SBNO2: variants seen among roughly 807,000 people sequenced by gnomAD.
The protein encoded by SBNO2 is strawberry notch homolog 2.
In SBNO2, 89 loss-of-function variants were observed where a neutral mutation model predicts 146.3. The observed-to-expected ratio is 0.61, with a 90% confidence interval of 0.51 to 0.73. The LOEUF (loss-of-function observed/expected upper bound fraction) is 0.73, where lower values mean the gene tolerates loss of function less well. Ranked by LOEUF, SBNO2 falls within the 30% of genes least tolerant of loss-of-function variation. SBNO2 has a pLI of 0.00. For missense variants in SBNO2, 2,092 were observed against 2,003.7 expected (o/e 1.04, Z -0.84); for synonymous variants, 1,147 against 892.6 (o/e 1.29, Z -5.08).
chr19:1,132,133 A>G, intron 4 of SBNO2: 1 of 1,517,190 alleles, frequency 6.6e-7, no homozygotes, highest in Non-Finnish European at 8.8e-7. Flanking sequence ...CAGCTGGGAC[A>G]TGGTCCCGGC....
chr19:1,132,897 G>C (rs913443317), intron 4 of SBNO2, among the ~76,000 whole-genome samples: 1 of 152,230 alleles, frequency 6.6e-6, no homozygotes, highest in Non-Finnish European at 1.5e-5. Flanking sequence ...AAGTGGTAGC[G>C]TCCTGGGAAA....
intron 4 of SBNO2, among the ~76,000 whole-genome samples, chr19:1,129,096 G>A (rs777334961): frequency 6.6e-6 from 1 of 151,692 alleles, no homozygotes; most frequent in Non-Finnish European, 1.5e-5. Context: ...GTAAAACCCT[G>A]TCTTTACTAA....
In SBNO2 at chr19:1,122,169, C is replaced by T; in HGVS notation, c.1119G>A (p.Leu373=). Residue 373 remains leucine, a synonymous_variant, in exon 11 of 32, where the codon CTG becomes CTA. Transcript: ENST00000361757. ...CCTCGAAGGCCTCCCCACACCAGTC[C>T]AGGATCTGCCGGAGGCGAGTGCGGT... ...GQHRTRLRQI[L]DWCGEAFEGV... is the part of the protein sequence containing the mutation. 1 of 1,523,134 alleles carries T rather than the reference C, an allele frequency of 6.6e-7. No homozygotes were observed. The highest frequency in any genetic ancestry group is 1.3e-5 in the South Asian group (1 of 79,910). The allele number at this position is 1,523,134 out of a possible 1,614,324, so 94.4% of individuals were successfully genotyped here. A position where few individuals can be genotyped will look rare whatever the true frequency, so the allele number is the denominator to read the frequency against.
rs977810809 is a variant in SBNO2 at position 1,110,132 on chromosome 19, G to A, written c.3029-355C>T. On this transcript the variant is annotated intron_variant, in intron 26 of 31. Transcript: ENST00000361757. The surrounding 1 kb of genome is among the most constrained non-coding windows in gnomAD (Gnocchi z 4.9). ...GTGAGGAGATTGTAGGAGCCTGGGG[G>A]CTGCTCAGGTGCTGGGTGACCCCAA... Among the ~76,000 whole-genome samples the A allele has an allele frequency of 6.6e-6, 1 of 151,638 alleles. No homozygotes were observed. Among genetic ancestry groups the A allele is most frequent in the Non-Finnish European group, 1.5e-5 (1 of 67,832 alleles).
At chr19:1,124,578 C>T (rs1165372216) in intron 5 of SBNO2, among the ~76,000 whole-genome samples, 2 of 152,214 alleles carry the variant, frequency 1.3e-5, no homozygotes, top group Non-Finnish European at 2.9e-5. Context: ...GGCAGCCCTG[C>T]ACTCTCCAAG....
intron 14 of SBNO2, among the ~76,000 whole-genome samples, chr19:1,118,598 G>A (rs2079860726): frequency 2.0e-5 from 3 of 152,312 alleles, no homozygotes; most frequent in African/African-American, 4.8e-5. Context: ...GGCCGGGCAC[G>A]TGGCTCACGC....
At chr19:1,159,166 G>A (rs190104865) in intron 1 of SBNO2, among the ~76,000 whole-genome samples, 10 of 150,374 alleles carry the variant, frequency 6.7e-5, no homozygotes, top group East Asian at 3.9e-4. Context: ...CCTGGCGGGC[G>A]CACAACTCGC....
rs756080587 is a variant in SBNO2 at position 1,109,485 on chromosome 19, G to A, written c.3216+21C>T. 3.2e-6 allele frequency: 5 copies of A among 1,581,418 alleles called. No individual in the cohort carries two copies. The highest frequency in any genetic ancestry group is 3.4e-6 in the Non-Finnish European group (4 of 1,165,426). ...CCCCCCGCGGGCCCTCCTCTGGGGGGGTAACCCCGCCCGACCCCACCTTGT... is the reference window on the plus strand; with the variant it reads ...CCCCCCGCGGGCCCTCCTCTGGGGGAGTAACCCCGCCCGACCCCACCTTGT... On this transcript the variant is annotated intron_variant, in intron 28 of 31. Transcript: ENST00000361757. The surrounding 1 kb of genome is among the most constrained non-coding windows in gnomAD (Gnocchi z 4.2).
intron 4 of SBNO2, among the ~76,000 whole-genome samples, chr19:1,128,660 T>C (rs1003424052): frequency 6.7e-6 from 1 of 150,304 alleles, no homozygotes; most frequent in African/African-American, 2.4e-5. Flanking sequence ...CCCAAAGTGC[T>C]GGGATTACAG....
At position 1,144,459 on chromosome 19, in the gene SBNO2, C is replaced by T. The variant is rs967749877; in HGVS notation, c.279+2850G>A. 5.9e-5 allele frequency among the ~76,000 whole-genome samples: 9 copies of T among 152,114 alleles called. No individual in the cohort carries two copies. Among genetic ancestry groups the T allele is most frequent in the Non-Finnish European group, 1.0e-4 (7 of 68,024 alleles). ...ACCAGCACAGTGGCCCCGAGGGCTC[C>T]GGGCTGAACAGATGCAGCAGCAATT... On this transcript the variant is annotated intron_variant, in intron 4 of 31. Transcript: ENST00000361757. The surrounding 1 kb of genome is among the most constrained non-coding windows in gnomAD (Gnocchi z 4.1).
chr19:1,129,971 A>T (rs75913035), intron 4 of SBNO2, among the ~76,000 whole-genome samples: 4,377 of 152,074 alleles, frequency 0.029, 102 homozygotes, highest in African/African-American at 0.057. Flanking sequence ...AGGGTCCTCC[A>T]CCCAAAACTC....
At chr19:1,141,263 C>T (rs149981222) in intron 4 of SBNO2, among the ~76,000 whole-genome samples, 1,983 of 151,818 alleles carry the variant, frequency 0.013, 27 homozygotes, top group Non-Finnish European at 0.021. Flanking sequence ...CACCCAGGCT[C>T]GAATGCAGTG....
At chr19:1,132,502 G>C (rs2080042747) in intron 4 of SBNO2, among the ~76,000 whole-genome samples, 2 of 152,226 alleles carry the variant, frequency 1.3e-5, no homozygotes. Flanking sequence ...GGTGGGCATG[G>C]GCCTCGGTCT....
Position 1,117,514 on chromosome 19 carries a change from C to A in SBNO2, c.1528-15G>T. 1 of 1,563,588 alleles carries A rather than the reference C, an allele frequency of 6.4e-7. No individual in the cohort carries two copies. Among genetic ancestry groups the A allele is most frequent in the South Asian group, 1.2e-5 (1 of 84,962 alleles). On this transcript the variant is annotated splice_polypyrimidine_tract_variant and intron_variant, in intron 14 of 31. Coordinates refer to ENST00000361757, the MANE Select transcript of SBNO2 (RefSeq NM_014963.3). ...GCCTCGGCCCACTGCAATGACACGT[C>A]ACAAGGCGCCCCTGAGCTGTGGCTC...
At position 1,108,833 on chromosome 19, in the gene SBNO2, T is replaced by G. The variant is rs1314190374; in HGVS notation, c.3562A>C (p.Ser1188Arg). 7 of 1,601,754 alleles carry G rather than the reference T, an allele frequency of 4.4e-6. No individual in the cohort carries two copies. In the African/African-American group the frequency reaches 9.4e-5, roughly 21 times the overall value. ...IAAVMADVSS[S>R]SYLQIVRLKT... ...AGCCGCACGATCTGCAGGTAGCTGC[T>G]GCTGCTGACGTCGGCCATGACGGCG... The change falls in exon 31 of 32, where the codon AGC becomes CGC. Residue 1188 changes from serine to arginine, a missense_variant. By Grantham distance (110) the Ser-to-Arg change is moderately radical (BLOSUM62 -1). Transcript: ENST00000361757.
chr19:1,163,933 C>T lies in SBNO2; in HGVS notation c.-126-9531G>A, dbSNP rs570345166. Among the ~76,000 whole-genome samples the T allele has an allele frequency of 1.1e-4, 17 of 152,310 alleles. No individual in the cohort carries two copies. The South Asian group carries it at 1.4e-3, about 13-fold the overall frequency. On this transcript the variant is annotated intron_variant, in intron 1 of 31. Transcript: ENST00000361757. ...CTCACCGCCCCATACCCCAGGAGCC[C>T]ACGTGCTTCTCTCACAGGGAAAGGT...
rs982944153 is a variant in SBNO2, at chr19:1,140,637, C to T, written c.279+6672G>A. On this transcript the variant is annotated intron_variant, in intron 4 of 31. Transcript: ENST00000361757. The surrounding 1 kb of genome is among the most constrained non-coding windows in gnomAD (Gnocchi z 4.4). ...GGGTGGCCAGGGAGCAGGCAGAGAG[C>T]GGGGAAGGGGTGGGGGTCCCACACA... Among the ~76,000 whole-genome samples the T allele has an allele frequency of 6.6e-6, 1 of 151,486 alleles. No individual in the cohort carries two copies. Among genetic ancestry groups the T allele is most frequent in the African/African-American group, 2.4e-5 (1 of 41,230 alleles).
At chr19:1,162,488 G>A (rs1053668330) in intron 1 of SBNO2, among the ~76,000 whole-genome samples, 6 of 151,674 alleles carry the variant, frequency 4.0e-5, no homozygotes, top group Admixed American at 1.3e-4. Flanking sequence ...GCTGTTGGGG[G>A]CAGGAGCCTG....
intron 1 of SBNO2, among the ~76,000 whole-genome samples, chr19:1,170,676 A>AAC (rs1302837569): frequency 6.6e-6 from 1 of 151,888 alleles, no homozygotes; most frequent in Non-Finnish European, 1.5e-5. Flanking sequence ...ACACATACAA[A>AAC]ACACACGTGC....
Sources: allele counts gnomAD v4.1 joint callset (sites outside exome capture counted in the v4.1 genomes callset), GRCh38; gene constraint gnomAD v4.1.1; non-coding constraint Gnocchi (gnomAD v3.1); transcripts MANE v1.5; gene names NCBI Gene and HGNC (gene_info 2026-07-23, HGNC 2026-07-21).